HACD2: variants seen among roughly 807,000 people sequenced by gnomAD.
HACD2 encodes very-long-chain (3R)-3-hydroxyacyl-CoA dehydratase 2.
A neutral mutation model predicts 31.0 loss-of-function variants in HACD2; 15 were observed. The observed-to-expected ratio is 0.48, with a 90% confidence interval of 0.32 to 0.75. The LOEUF (loss-of-function observed/expected upper bound fraction) is 0.75, where lower values mean the gene tolerates loss of function less well. Among genes scored for constraint, HACD2 ranks in the 30% least tolerant of loss-of-function variants. The probability of loss-of-function intolerance (pLI) is 0.03; values close to 1 mark genes in which losing one functional copy is unlikely to be tolerated. For missense variants in HACD2, 283 were observed against 313.0 expected, an observed-to-expected ratio of 0.90 and a Z score of 0.72; for synonymous variants, 115 against 122.2, an observed-to-expected ratio of 0.94 and a Z score of 0.39.
chr3:123,524,653 T>C (rs1370005928), intron 4 of HACD2, among the ~76,000 whole-genome samples: 3 of 152,238 alleles, frequency 2.0e-5, no homozygotes, highest in Non-Finnish European at 4.4e-5. Context: ...TTAAAAACAT[T>C]ATGTTTACGT....
At chr3:123,565,077 C>T (rs1004293027) in intron 3 of HACD2, among the ~76,000 whole-genome samples, 4 of 152,132 alleles carry the variant, frequency 2.6e-5, no homozygotes, top group African/African-American at 9.7e-5. Flanking sequence ...AGCCCATTCA[C>T]CTCTCTACTC....
chr3:123,541,942 TCGAGACCATCC>T (rs1311991549), intron 3 of HACD2, among the ~76,000 whole-genome samples: 1 of 151,496 alleles, frequency 6.6e-6, no homozygotes, highest in Non-Finnish European at 1.5e-5. Flanking sequence ...GGTCAGGAGA[TCGAGACCATCC>T]CGGCTAAAAC....
intron 3 of HACD2, among the ~76,000 whole-genome samples, chr3:123,560,469 T>G (rs944204461): frequency 3.3e-5 from 5 of 152,154 alleles, no homozygotes; most frequent in Admixed American, 1.3e-4. Context: ...GGGTCAGCCT[T>G]AGAAACCTCT....
chr3:123,516,519 C>A (rs544043479), intron 4 of HACD2, among the ~76,000 whole-genome samples: 8 of 152,236 alleles, frequency 5.3e-5, no homozygotes, highest in African/African-American at 1.4e-4. Flanking sequence ...CAGGCGTGTG[C>A]CACCATACCC....
intron 4 of HACD2, among the ~76,000 whole-genome samples, chr3:123,515,764 G>T (rs1206939938): frequency 8.6e-5 from 13 of 150,710 alleles, no homozygotes; most frequent in African/African-American, 3.2e-4. Context: ...GGGGTTTTTT[G>T]TTTTTTTTTG....
chr3:123,528,543 A>G, intron 3 of HACD2, 69 bp from the exon 4 acceptor site: 1 of 960,370 alleles, frequency 1.0e-6, no homozygotes, highest in Non-Finnish European at 1.7e-6. Flanking sequence ...ATATTTTCTA[A>G]AACATTCCAA....
At chr3:123,573,757 C>T (rs2056879288) in intron 2 of HACD2, among the ~76,000 whole-genome samples, 1 of 152,180 alleles carries the variant, frequency 6.6e-6, no homozygotes, top group Non-Finnish European at 1.5e-5. Context: ...AGACTCCAAA[C>T]ATGTTTTCAA....
chr3:123,547,335 G>A (rs1215414200), intron 3 of HACD2, among the ~76,000 whole-genome samples: 1 of 152,156 alleles, frequency 6.6e-6, no homozygotes, highest in Non-Finnish European at 1.5e-5. Flanking sequence ...AAACTCTAAA[G>A]AGCTAGGACA....
intron 4 of HACD2, among the ~76,000 whole-genome samples, chr3:123,504,529 G>A (rs1385577263): frequency 8.8e-5 from 13 of 148,320 alleles, no homozygotes; most frequent in Admixed American, 8.0e-4. Context: ...CTTCAAATAG[G>A]TAAAAAAAAA....
chr3:123,559,773 A>C (rs990577581), intron 3 of HACD2, among the ~76,000 whole-genome samples: 1 of 152,214 alleles, frequency 6.6e-6, no homozygotes, highest in East Asian at 1.9e-4. Context: ...AGAGGATAAA[A>C]TTCCCTGATC....
chr3:123,539,049 G>A (rs1209188714), intron 3 of HACD2, among the ~76,000 whole-genome samples: 1 of 152,156 alleles, frequency 6.6e-6, no homozygotes, highest in Non-Finnish European at 1.5e-5. Flanking sequence ...AGAAGATATA[G>A]CCACTGGATA....
intron 4 of HACD2, among the ~76,000 whole-genome samples, chr3:123,510,118 CAG>C (rs1434850273): frequency 5.9e-5 from 9 of 152,224 alleles, no homozygotes; most frequent in Admixed American, 5.9e-4. Flanking sequence ...TCATTCCAAA[CAG>C]AAACTCTGTA....
At chr3:123,510,398 C>T (rs1485709158) in intron 4 of HACD2, among the ~76,000 whole-genome samples, 1 of 152,196 alleles carries the variant, frequency 6.6e-6, no homozygotes, top group African/African-American at 2.4e-5. Context: ...CAGCCACCCA[C>T]CAACACGCCC....
chr3:123,513,743 G>A (rs1053993166), intron 4 of HACD2, among the ~76,000 whole-genome samples: 1 of 152,114 alleles, frequency 6.6e-6, no homozygotes, highest in Admixed American at 6.5e-5. Context: ...AGAAGATACC[G>A]ATTACTTTCT....
intron 3 of HACD2, among the ~76,000 whole-genome samples, chr3:123,559,950 T>C (rs2056710506): frequency 6.6e-6 from 1 of 152,216 alleles, no homozygotes; most frequent in Non-Finnish European, 1.5e-5. Flanking sequence ...TCAGGCTCTT[T>C]AGGCTACAAA....
At chr3:123,544,899 C>A (rs2056538594) in intron 3 of HACD2, among the ~76,000 whole-genome samples, 2 of 151,758 alleles carry the variant, frequency 1.3e-5, no homozygotes, top group South Asian at 4.1e-4. Flanking sequence ...CATGGCAAAA[C>A]CCTGTCTCTC....
intron 3 of HACD2, among the ~76,000 whole-genome samples, chr3:123,553,612 A>C (rs898110023): frequency 1.3e-5 from 2 of 152,202 alleles, no homozygotes; most frequent in South Asian, 4.1e-4. Flanking sequence ...ATAAGGCAGC[A>C]TTGATTCCCA....
chr3:123,532,833 C>CAAA (rs35001570), intron 3 of HACD2, among the ~76,000 whole-genome samples: 10 of 71,364 alleles, frequency 1.4e-4, no homozygotes, highest in East Asian at 5.2e-4. Flanking sequence ...GACTCCGTCT[C>CAAA]AAAAAAAAAA....
intron 5 of HACD2, 106 bp downstream of exon 5, chr3:123,502,454 G>C: frequency 8.3e-7 from 1 of 1,200,404 alleles, no homozygotes; most frequent in East Asian, 2.5e-5. Context: ...TACCCAACCC[G>C]TCTCAATTTT....
Sources: allele counts gnomAD v4.1 joint callset (sites outside exome capture counted in the v4.1 genomes callset), GRCh38; gene constraint gnomAD v4.1.1; transcripts MANE v1.5; gene names NCBI Gene and HGNC (gene_info 2026-07-23, HGNC 2026-07-21).